Variants in ZNF487 observed in about 807,000 individuals in gnomAD.
The protein encoded by ZNF487 is KRAB domain only 1.
ZNF487 carries 4 observed loss-of-function variants against 3.0 expected under a neutral mutation model. The ratio of observed to expected loss-of-function variants is 1.35; its 90% CI spans 0.66 to 3.08. The LOEUF (loss-of-function observed/expected upper bound fraction) is 3.08. ZNF487 is among the 30% of genes most tolerant of loss of function. ZNF487 has a pLI of 0.01. For missense variants in ZNF487, 146 were observed against 98.7 expected (o/e 1.48, Z -2.03); for synonymous variants, 55 against 34.6 (o/e 1.59, Z -2.06).
the ZNF487 span, among the ~76,000 whole-genome samples, chr10:43,522,837 T>A: frequency 1.3e-5 from 2 of 152,208 alleles, no homozygotes; most frequent in African/African-American, 4.8e-5. Context: ...AAACCTACAT[T>A]TGCCTCCTCC....
intron 3 of ZNF487, among the ~76,000 whole-genome samples, chr10:43,477,636 A>C (rs1398187640): frequency 6.8e-6 from 1 of 146,970 alleles, no homozygotes; most frequent in Non-Finnish European, 1.5e-5. Flanking sequence ...AAAAAATTAA[A>C]TGTGTTGGAT....
the ZNF487 span, among the ~76,000 whole-genome samples, chr10:43,519,166 T>C: frequency 0.12 from 18,426 of 151,980 alleles, 2,323 homozygotes; most frequent in African/African-American, 0.32. Context: ...TTCTTCTGCC[T>C]CAGTCTCCTG....
chr10:43,502,636 C>G, the ZNF487 span, among the ~76,000 whole-genome samples: 3 of 152,124 alleles, frequency 2.0e-5, no homozygotes, highest in African/African-American at 7.2e-5. Flanking sequence ...AATGATGTAT[C>G]ATACATAATA....
intron 1 of ZNF487, among the ~76,000 whole-genome samples, chr10:43,475,519 A>T (rs1841063742): frequency 6.6e-6 from 1 of 152,082 alleles, no homozygotes; most frequent in African/African-American, 2.4e-5. Context: ...CGTCTGAAAA[A>T]AAAAAAAAAT....
chr10:43,517,684 C>T, the ZNF487 span, among the ~76,000 whole-genome samples: 1 of 152,298 alleles, frequency 6.6e-6, no homozygotes, highest in East Asian at 1.9e-4. Context: ...CCCATTGTTC[C>T]TTGGGTCACA....
chr10:43,500,382 T>C, the ZNF487 span, among the ~76,000 whole-genome samples: 1 of 151,984 alleles, frequency 6.6e-6, no homozygotes, highest in Non-Finnish European at 1.5e-5. Context: ...GCTATGATCA[T>C]ACCACTGCAC....
At chr10:43,472,249 A>G (rs1376295474) in intron 1 of ZNF487, among the ~76,000 whole-genome samples, 1 of 152,084 alleles carries the variant, frequency 6.6e-6, no homozygotes, top group Non-Finnish European at 1.5e-5. Context: ...TGAGTATTTT[A>G]TAGACCCAAG....
the ZNF487 span, among the ~76,000 whole-genome samples, chr10:43,494,332 T>C: frequency 6.6e-6 from 1 of 152,220 alleles, no homozygotes; most frequent in East Asian, 1.9e-4. Context: ...GATTTTTTCC[T>C]AACCATTGGA....
chr10:43,473,443 AGAG>A (rs1288096973), intron 1 of ZNF487, among the ~76,000 whole-genome samples: 2 of 152,168 alleles, frequency 1.3e-5, no homozygotes, highest in African/African-American at 4.8e-5. Context: ...TCTTTTTATT[AGAG>A]GAGTTCATAA....
chr10:43,442,785 G>C (rs936304058), intron 1 of ZNF487, among the ~76,000 whole-genome samples: 1 of 152,116 alleles, frequency 6.6e-6, no homozygotes, highest in African/African-American at 2.4e-5. Context: ...CAGGGTACAA[G>C]TTGTGTTCAG....
chr10:43,514,306 A>G, the ZNF487 span, among the ~76,000 whole-genome samples: 2 of 151,958 alleles, frequency 1.3e-5, no homozygotes, highest in Non-Finnish European at 2.9e-5. Flanking sequence ...ATGCCTGGCT[A>G]ATTTTTGTAT....
chr10:43,483,390 G>A (rs1341996023), downstream of ZNF487, among the ~76,000 whole-genome samples: 4 of 151,964 alleles, frequency 2.6e-5, no homozygotes, highest in South Asian at 2.1e-4. Context: ...ACAGGCATGC[G>A]CCACCATGCC....
At chr10:43,465,050 AC>A (rs140713998) in intron 1 of ZNF487, among the ~76,000 whole-genome samples, 17 of 113,234 alleles carry the variant, frequency 1.5e-4, no homozygotes, top group African/African-American at 6.4e-4. Flanking sequence ...CGGGGGGCTG[AC>A]CCCCCCCACC....
downstream of ZNF487, among the ~76,000 whole-genome samples, chr10:43,487,955 AATT>A (rs1841484603): frequency 6.7e-6 from 1 of 149,112 alleles, no homozygotes; most frequent in African/African-American, 2.4e-5. Flanking sequence ...AAAAAAAAAA[AATT>A]AGCCGGGCAT....
the ZNF487 span, among the ~76,000 whole-genome samples, chr10:43,500,576 A>G: frequency 2.0e-5 from 3 of 152,022 alleles, no homozygotes; most frequent in Admixed American, 2.0e-4. Flanking sequence ...ATCTCAGCTC[A>G]CCGCAACCTC....
the ZNF487 span, among the ~76,000 whole-genome samples, chr10:43,500,543 C>T: frequency 6.6e-6 from 1 of 152,106 alleles, no homozygotes; most frequent in Non-Finnish European, 1.5e-5. Context: ...GCTCAGTCAC[C>T]GAGGCTGGAG....
chr10:43,499,447 T>C, the ZNF487 span, among the ~76,000 whole-genome samples: 26 of 152,202 alleles, frequency 1.7e-4, no homozygotes, highest in African/African-American at 5.5e-4. Context: ...GACAGAGTCC[T>C]ACTCTGATGC....
chr10:43,514,024 G>T, the ZNF487 span, among the ~76,000 whole-genome samples: 1 of 152,280 alleles, frequency 6.6e-6, no homozygotes, highest in Non-Finnish European at 1.5e-5. Context: ...ATGTAGTAGG[G>T]TTCTTCCTCA....
chr10:43,463,967 G>A (rs1299839822), intron 1 of ZNF487, among the ~76,000 whole-genome samples: 4 of 151,728 alleles, frequency 2.6e-5, no homozygotes, highest in Non-Finnish European at 4.4e-5. Flanking sequence ...TATTCCTTGA[G>A]ACACAACAAT....
Sources: allele counts gnomAD v4.1 joint callset (sites outside exome capture counted in the v4.1 genomes callset), GRCh38; gene constraint gnomAD v4.1.1; transcripts MANE v1.5; gene names NCBI Gene and HGNC (gene_info 2026-07-23, HGNC 2026-07-21).